TNNT1: variants seen among roughly 807,000 people sequenced by gnomAD.
The protein encoded by TNNT1 is troponin T1, slow skeletal type, also known as troponin T, slow skeletal muscle.
A neutral mutation model predicts 50.6 loss-of-function variants in TNNT1; 53 were observed. The ratio of observed to expected loss-of-function variants is 1.05; its 90% confidence interval spans 0.84 to 1.32. The LOEUF is 1.32. Among genes scored for constraint, TNNT1 ranks in the 40% most tolerant of loss-of-function variants. TNNT1 has a pLI of 0.00. For synonymous variants in TNNT1, 142 were observed against 138.0 expected (o/e 1.03, Z -0.20); for missense variants, 348 against 381.7 (o/e 0.91, Z 0.74).
At position 55,132,940 on chromosome 19, in the gene TNNT1, C is replaced by G; in HGVS notation, c.812G>C (p.Gly271Ala). The G allele has an allele frequency of 6.2e-7, 1 of 1,603,430 alleles. No homozygotes were observed. ...TCACTTCCAGCGGCCTCCAACGCGG[C>G]CCTTCCCTGCCCCCTTCCGGCTGTA... ...AQKFRKGAGK[G>A]RVGGRWK Residue 271 changes from glycine (G) to alanine (A), a missense_variant, in exon 14 of 14, where the codon GGC (glycine) becomes GCC (alanine). Gly to Ala is a moderately conservative substitution (Grantham distance 60, BLOSUM62 0). Coordinates refer to ENST00000588981, the MANE Select transcript of TNNT1 (RefSeq NM_003283.6).
rs1397933081 is a variant in TNNT1, at chr19:55,133,653, G to C, written c.791+234C>G. 3 of 586,198 alleles carry C rather than the reference G, an allele frequency of 5.1e-6. No homozygotes were observed. In the African/African-American group the frequency reaches 5.6e-5, roughly 11 times the overall value. 36.3% of individuals were successfully genotyped at this position (586,198 alleles called of 1,614,324 possible). On this transcript the variant is annotated intron_variant, in intron 13 of 13. Transcript: ENST00000588981. ...AGATCACTCCACTGCACTCCAGCCT[G>C]GGTGACAGAGCGAGACGCAGTCTCA...
chr19:55,145,744 AG>A (rs1341888735), intron 5 of TNNT1, among the ~76,000 whole-genome samples, 179 bp from the exon 6 acceptor site: 1 of 151,824 alleles, frequency 6.6e-6, no homozygotes, highest in East Asian at 1.9e-4. Flanking sequence ...AAGGAAAGTC[AG>A]GGTGGCTGTA....
In TNNT1 at chr19:55,141,177, T is replaced by C; in HGVS notation, c.309+9A>G. 2 of 1,612,518 alleles carry C rather than the reference T, an allele frequency of 1.2e-6. No individual in the cohort carries two copies. The highest frequency in any genetic ancestry group is 1.7e-6 in the Non-Finnish European group (2 of 1,178,444). On this transcript the variant is annotated intron_variant, in intron 8 of 13. Transcript: ENST00000588981. ...GGAAGACCGGGGGGAACCCGGACTCTCGGCTCACAATGCGCTCCTTCAAGG... is the reference window on the plus strand; with the variant it reads ...GGAAGACCGGGGGGAACCCGGACTCCCGGCTCACAATGCGCTCCTTCAAGG...
intron 9 of TNNT1, among the ~76,000 whole-genome samples, chr19:55,140,196 A>C (rs2085425209): frequency 1.3e-5 from 2 of 152,112 alleles, no homozygotes; most frequent in African/African-American, 2.4e-5. Flanking sequence ...ACGATGGCTC[A>C]TGCCTGTCAT....
rs570436452 is a variant in TNNT1 at position 55,133,475 on chromosome 19, C to T, written c.791+412G>A. The T allele has an allele frequency of 9.0e-5, 27 of 300,506 alleles. 1 individual carries two copies. In the East Asian group the frequency reaches 1.7e-3, roughly 19 times the overall value. The allele number at this position is 300,506 out of a possible 1,614,324, so 18.6% of individuals were successfully genotyped here. ...CGGGTGGATCACGAGGTCAGGAGTT[C>T]GAGACCAGCCTGACCAACATGGTGA... On this transcript the variant is annotated intron_variant, in intron 13 of 13. Coordinates refer to ENST00000588981, the MANE Select transcript of TNNT1 (RefSeq NM_003283.6).
Position 55,147,132 on chromosome 19 carries a change from T to C in TNNT1, c.26A>G (p.Tyr9Cys), listed in dbSNP as rs1449981150. The C allele has an allele frequency of 6.2e-7, 1 of 1,613,814 alleles. No individual in the cohort carries two copies. Among genetic ancestry groups the C allele is most frequent in the Middle Eastern group, 1.6e-4 (1 of 6,062 alleles). Residue 9 changes from tyrosine to cysteine, a missense_variant, in exon 2 of 14, where the codon TAT becomes TGT. Tyr to Cys is a radical substitution (Grantham distance 194, BLOSUM62 -2). This residue lies in a region of TNNT1 where 90 missense variants were observed against 70.8 expected (regional missense o/e 1.27). Coordinates refer to ENST00000588981, the MANE Select transcript of TNNT1 (RefSeq NM_003283.6). MSDTEEQE[Y>C]EEEQPEEEAA... ...CTCCCAGTGCAGCACTCACTCCTCA[T>C]ATTCCTGCTCCTCGGTGTCCGACAT...
At chr19:55,143,597 C>T (rs930052169) in intron 6 of TNNT1, among the ~76,000 whole-genome samples, 12 of 152,022 alleles carry the variant, frequency 7.9e-5, no homozygotes, top group African/African-American at 2.2e-4. Flanking sequence ...TCCATCAGGG[C>T]GTCATGTGTG....
At chr19:55,133,737 GC>G in intron 13 of TNNT1, 149 bp downstream of exon 13, 1 of 863,646 alleles carries the variant, frequency 1.2e-6, no homozygotes, top group Non-Finnish European at 1.9e-6. Flanking sequence ...GATTCCGAGA[GC>G]AGAGAGAGGA....
At chr19:55,136,038 C>T (rs1194694551) in intron 11 of TNNT1, among the ~76,000 whole-genome samples, 2 of 152,178 alleles carry the variant, frequency 1.3e-5, no homozygotes, top group East Asian at 3.9e-4. Flanking sequence ...AGCTGTTAAA[C>T]ATTTACCATG....
intron 6 of TNNT1, among the ~76,000 whole-genome samples, chr19:55,143,706 G>C (rs140839586): frequency 1.1e-4 from 16 of 151,978 alleles, no homozygotes; most frequent in Non-Finnish European, 2.1e-4. Flanking sequence ...CGACAGCCCC[G>C]TGAGCTGCCA....
chr19:55,146,988 C>T lies in TNNT1; in HGVS notation c.46+20G>A. 1 of 1,600,164 alleles carries T rather than the reference C, an allele frequency of 6.2e-7. No homozygotes were observed. The highest frequency in any genetic ancestry group is 1.1e-5 in the South Asian group (1 of 88,658). ...CTGGGCGTGTCCCCATCCCATAGGG[C>T]CGGCCCACTCCCTACTCACCTTCCG... On this transcript the variant is annotated intron_variant, in intron 3 of 13. Transcript: ENST00000588981.
At chr19:55,146,271 C>T (rs886438163) in intron 5 of TNNT1, among the ~76,000 whole-genome samples, 163 bp downstream of exon 5, 2 of 146,876 alleles carry the variant, frequency 1.4e-5, no homozygotes, top group Non-Finnish European at 3.0e-5. Context: ...TTCCCGGCCC[C>T]GAGAGGGCGC....
At chr19:55,148,785 C>T (rs2085627191) in intron 1 of TNNT1, among the ~76,000 whole-genome samples, 2 of 151,994 alleles carry the variant, frequency 1.3e-5, no homozygotes, top group Non-Finnish European at 2.9e-5. Context: ...GAGACCCCCC[C>T]AATTCCTGAT....
At chr19:55,140,059 G>T (rs899383864) in intron 9 of TNNT1, among the ~76,000 whole-genome samples, 1 of 151,854 alleles carries the variant, frequency 6.6e-6, no homozygotes, top group Non-Finnish European at 1.5e-5. Context: ...GGAGGCGGAG[G>T]TTGCAGTGAG....
intron 6 of TNNT1, among the ~76,000 whole-genome samples, chr19:55,142,388 T>C (rs2147258358): frequency 6.6e-6 from 1 of 152,234 alleles, no homozygotes; most frequent in East Asian, 1.9e-4. Context: ...CCCAAAGTGC[T>C]GGGATCACAG....
intron 7 of TNNT1, 129 bp downstream of exon 7, chr19:55,141,728 C>G: frequency 9.2e-7 from 1 of 1,090,140 alleles, no homozygotes; most frequent in Non-Finnish European, 1.4e-6. Flanking sequence ...AGGTGGGTCA[C>G]CTCAGCCTCC....
Position 55,147,015 on chromosome 19 carries a change from C to G in TNNT1, c.39G>C (p.Gln13His). 1.2e-6 allele frequency: 2 copies of G among 1,610,996 alleles called. No individual in the cohort carries two copies. The highest frequency in any genetic ancestry group is 4.5e-5 in the East Asian group (2 of 44,822). ...GGCCCACTCCCTACTCACCTTCCGG[C>G]TGCTCCCTGCGGACGGGTGTGGGGA... ...DTEEQEYEEE[Q>H]PEEEAAEEEE... is the part of the protein sequence containing the mutation. The change falls in exon 3 of 14, where the codon CAG becomes CAC. Residue 13 changes from glutamine (Q) to histidine (H), a missense_variant. Physicochemically the swap from Gln to His is conservative, Grantham distance 24 (BLOSUM62 0). Coordinates refer to ENST00000588981, the MANE Select transcript of TNNT1 (RefSeq NM_003283.6).
chr19:55,134,491 GC>G (rs1378136549), intron 11 of TNNT1, among the ~76,000 whole-genome samples: 1 of 150,916 alleles, frequency 6.6e-6, no homozygotes, highest in African/African-American at 2.4e-5. Context: ...TTCAAGACCA[GC>G]CTGGGCAACA....
chr19:55,146,792 G>T, intron 3 of TNNT1, 85 bp from the exon 4 acceptor site: 2 of 1,208,498 alleles, frequency 1.7e-6, no homozygotes, highest in African/African-American at 1.5e-5. Flanking sequence ...TCCAGTCTCT[G>T]CTGGACGGGG....
Sources: gnomAD v4.1 joint callset for allele counts (sites outside exome capture counted in the v4.1 genomes callset) on GRCh38, gnomAD v4.1.1 for gene constraint, gnomAD v4.1.1 regional missense constraint, MANE v1.5 for transcripts, NCBI Gene and HGNC (gene_info 2026-07-23, HGNC 2026-07-21) for gene names.